Variants in IL1RAPL1 observed in about 807,000 individuals in gnomAD.
IL1RAPL1 encodes the protein interleukin 1 receptor accessory protein like 1.
IL1RAPL1 carries 3 observed loss-of-function variants against 48.4 expected under a neutral mutation model. That is an observed-to-expected ratio of 0.06 (90% confidence interval 0.03 to 0.16). The LOEUF is 0.16. Among genes scored for constraint, IL1RAPL1 ranks in the 10% least tolerant of loss-of-function variants. IL1RAPL1 has a pLI of 1.00. For missense variants in IL1RAPL1, 349 were observed against 530.6 expected, an observed-to-expected ratio of 0.66 and a Z score of 3.36; for synonymous variants, 185 against 187.7, an observed-to-expected ratio of 0.99 and a Z score of 0.12.
intron 2 of IL1RAPL1, among the ~76,000 whole-genome samples, chrX:28,941,800 T>C (rs1601968607): frequency 9.0e-6 from 1 of 110,634 alleles, no homozygotes; most frequent in East Asian, 2.8e-4. Context: ...TTCAGGGAAA[T>C]ACTTGTTTTA....
rs1396407610 is a variant in IL1RAPL1 at position 29,738,530 on chromosome X, C to T, written c.778+70026C>T. Among the ~76,000 whole-genome samples, 7 of 103,012 alleles carry T rather than the reference C, an allele frequency of 6.8e-5. No individual in the cohort carries two copies. In the East Asian group the frequency reaches 1.5e-3, roughly 22 times the overall value. 89.5% of individuals were successfully genotyped at this position (103,012 alleles called of 115,157 possible). ...GTGTGATCTCGGCTCACTGCAGCCT[C>T]GATTTCCTGGGCACAAGCAATCTTC... On this transcript the variant is annotated intron_variant, in intron 6 of 10. Coordinates refer to ENST00000378993, the MANE Select transcript of IL1RAPL1 (RefSeq NM_014271.4).
intron 2 of IL1RAPL1, among the ~76,000 whole-genome samples, chrX:29,023,924 T>G (rs1926426414): frequency 8.9e-6 from 1 of 111,763 alleles, no homozygotes; most frequent in Non-Finnish European, 1.9e-5. Flanking sequence ...TTACCCTCAA[T>G]GAATTAGCAA....
chrX:29,802,761 A>ATGTGTGTGTGTG (rs1929946770), intron 6 of IL1RAPL1, among the ~76,000 whole-genome samples: 11 of 22,628 alleles, frequency 4.9e-4, no homozygotes, highest in African/African-American at 3.0e-3. Context: ...ATATATATAT[A>ATGTGTGTGTGTG]TATATATATA....
chrX:29,604,418 A>C (rs1447609930), intron 5 of IL1RAPL1, among the ~76,000 whole-genome samples: 1 of 112,040 alleles, frequency 8.9e-6, no homozygotes, highest in African/African-American at 3.2e-5. Flanking sequence ...CAGTGGAATA[A>C]ATTGTTACTT....
intron 2 of IL1RAPL1, among the ~76,000 whole-genome samples, chrX:29,044,522 C>G (rs894787295): frequency 1.4e-4 from 15 of 110,977 alleles, no homozygotes; most frequent in Non-Finnish European, 2.6e-4. Flanking sequence ...TCTCATTGCT[C>G]TGTTTTTTTT....
At chrX:29,506,468 T>TC (rs1215566048) in intron 5 of IL1RAPL1, among the ~76,000 whole-genome samples, 1 of 34,902 alleles carries the variant, frequency 2.9e-5, no homozygotes, top group East Asian at 9.3e-4. Context: ...TCCTCCTCCT[T>TC]CTCATTCTTC....
chrX:29,041,764 G>A (rs1195488451), intron 2 of IL1RAPL1, among the ~76,000 whole-genome samples: 1 of 112,068 alleles, frequency 8.9e-6, no homozygotes, highest in African/African-American at 3.2e-5. Context: ...AAAGATGACA[G>A]TTTTATGATA....
intron 1 of IL1RAPL1, among the ~76,000 whole-genome samples, chrX:28,605,451 A>G (rs1229201963): frequency 9.0e-6 from 1 of 111,481 alleles, no homozygotes; most frequent in Non-Finnish European, 1.9e-5. Flanking sequence ...TCCAGTCATC[A>G]AGCCTTGTTG....
intron 2 of IL1RAPL1, among the ~76,000 whole-genome samples, chrX:29,213,287 C>G (rs1008820874): frequency 8.9e-6 from 1 of 112,248 alleles, no homozygotes; most frequent in African/African-American, 3.2e-5. Flanking sequence ...CGTGAGCCAC[C>G]GCGCCTGGCC....
intron 1 of IL1RAPL1, among the ~76,000 whole-genome samples, chrX:28,675,736 T>C (rs1934990206): frequency 9.0e-6 from 1 of 111,648 alleles, no homozygotes; most frequent in African/African-American, 3.3e-5. Flanking sequence ...GATGGGAGGC[T>C]GGTAAGAAGT....
At chrX:29,230,785 T>C (rs1255317346) in intron 2 of IL1RAPL1, among the ~76,000 whole-genome samples, 1 of 110,974 alleles carries the variant, frequency 9.0e-6, no homozygotes, top group Non-Finnish European at 1.9e-5. Flanking sequence ...CCACCTATTT[T>C]ATTAGTGATC....
intron 2 of IL1RAPL1, among the ~76,000 whole-genome samples, chrX:29,132,448 G>A (rs1929041864): frequency 8.9e-6 from 1 of 111,923 alleles, no homozygotes. Flanking sequence ...GTTGCCTATA[G>A]TATTCAGTAC....
At chrX:29,032,254 T>C (rs1301327025) in intron 2 of IL1RAPL1, among the ~76,000 whole-genome samples, 1 of 112,141 alleles carries the variant, frequency 8.9e-6, no homozygotes. Flanking sequence ...CTAAACATAG[T>C]GTCTGTATAT....
At position 28,762,790 on chromosome X, in the gene IL1RAPL1, A is replaced by G. The variant is rs867727983; in HGVS notation, c.-24-26530A>G. On this transcript the variant is annotated intron_variant, in intron 1 of 10. Coordinates refer to ENST00000378993, the MANE Select transcript of IL1RAPL1 (RefSeq NM_014271.4). ...AAATCTAATACGCACGCGCGCGCAC[A>G]CACACACACACACACACACACACAC... 4.5e-3 allele frequency among the ~76,000 whole-genome samples: 255 copies of G among 56,154 alleles called. 1 individual carries two copies. Among genetic ancestry groups the G allele is most frequent in the African/African-American group, 0.015 (211 of 13,916 alleles). The allele number at this position is 56,154 out of a possible 115,157, so 48.8% of individuals were successfully genotyped here. A position where few individuals can be genotyped will look rare whatever the true frequency, so the allele number is the denominator to read the frequency against.
At chrX:29,123,809 AAC>A (rs1928846268) in intron 2 of IL1RAPL1, among the ~76,000 whole-genome samples, 1 of 112,163 alleles carries the variant, frequency 8.9e-6, no homozygotes, top group Non-Finnish European at 1.9e-5. Flanking sequence ...TGTTAGTGTG[AAC>A]ACACACTACG....
chrX:29,356,482 T>A (rs897281447), intron 3 of IL1RAPL1, among the ~76,000 whole-genome samples: 21 of 80,466 alleles, frequency 2.6e-4, no homozygotes, highest in African/African-American at 8.4e-4. Context: ...TATACATACA[T>A]ATATGTATAT....
At chrX:29,800,830 CA>C (rs368811843) in intron 6 of IL1RAPL1, among the ~76,000 whole-genome samples, 8,737 of 36,358 alleles carry the variant, frequency 0.24, 669 homozygotes, top group Non-Finnish European at 0.31. Flanking sequence ...ACTAAAAATA[CA>C]AAAAAAAAAA....
At chrX:28,626,516 G>T (rs1934342892) in intron 1 of IL1RAPL1, among the ~76,000 whole-genome samples, 1 of 111,693 alleles carries the variant, frequency 9.0e-6, no homozygotes, top group Non-Finnish European at 1.9e-5. Flanking sequence ...TAACTCTTAG[G>T]AGTGAATTTC....
chrX:29,556,487 A>C (rs1922005926), intron 5 of IL1RAPL1, among the ~76,000 whole-genome samples: 1 of 110,218 alleles, frequency 9.1e-6, no homozygotes, highest in Non-Finnish European at 1.9e-5. Context: ...GTCTCTACTA[A>C]AAATACAAAA....
Sources: gnomAD v4.1 joint callset for allele counts (sites outside exome capture counted in the v4.1 genomes callset) on GRCh38, gnomAD v4.1.1 for gene constraint, MANE v1.5 for transcripts, NCBI Gene and HGNC (gene_info 2026-07-23, HGNC 2026-07-21) for gene names.